SGK1: variants seen among roughly 807,000 people sequenced by gnomAD.
SGK1 encodes the protein serum/glucocorticoid regulated kinase 1.
A neutral mutation model predicts 64.2 loss-of-function variants in SGK1; 26 were observed. The observed-to-expected ratio is 0.40, with a 90% CI of 0.30 to 0.56. The LOEUF (loss-of-function observed/expected upper bound fraction) is 0.56, where lower values mean the gene tolerates loss of function less well. SGK1 is among the 20% of genes least tolerant of loss of function. The probability of loss-of-function intolerance (pLI) is 0.38; values close to 1 mark genes in which losing one functional copy is unlikely to be tolerated. For missense variants in SGK1, 519 were observed against 645.6 expected (o/e 0.80, Z 2.12); for synonymous variants, 265 against 239.7 (o/e 1.11, Z -0.98).
chr6:134,214,609 A>G (rs1302893541), intron 2 of SGK1, among the ~76,000 whole-genome samples: 3 of 75,558 alleles, frequency 4.0e-5, no homozygotes, highest in Admixed American at 2.7e-4. Flanking sequence ...GAAAGTAATT[A>G]AAGTTTAGTT....
At chr6:134,292,113 T>C (rs1376807157) in intron 1 of SGK1, among the ~76,000 whole-genome samples, 1 of 151,900 alleles carries the variant, frequency 6.6e-6, no homozygotes, top group Non-Finnish European at 1.5e-5. Flanking sequence ...TTGACACATA[T>C]TATGGCAAGA....
intron 2 of SGK1, among the ~76,000 whole-genome samples, chr6:134,224,818 C>G (rs952542821): frequency 1.1e-4 from 16 of 150,250 alleles, no homozygotes; most frequent in African/African-American, 3.9e-4. Context: ...GTCAGGAGAT[C>G]GAGACTATCC....
chr6:134,243,488 GC>G (rs1776478617), intron 2 of SGK1, among the ~76,000 whole-genome samples: 1 of 152,066 alleles, frequency 6.6e-6, no homozygotes, highest in Non-Finnish European at 1.5e-5. Flanking sequence ...CCCTGCCTCA[GC>G]CTCCTAAGTA....
At chr6:134,304,221 C>G (rs1777501091) in intron 1 of SGK1, among the ~76,000 whole-genome samples, 1 of 152,168 alleles carries the variant, frequency 6.6e-6, no homozygotes, top group Admixed American at 6.5e-5. Flanking sequence ...GGAGCAGAAC[C>G]CTCCAAATGA....
At chr6:134,313,017 C>T (rs180702989) in intron 1 of SGK1, among the ~76,000 whole-genome samples, 202 of 152,314 alleles carry the variant, frequency 1.3e-3, no homozygotes, top group Admixed American at 3.1e-3. Flanking sequence ...AAGTGATCTG[C>T]CTGCCTAACC....
chr6:134,204,338 G>T (rs1264861898), intron 3 of SGK1, among the ~76,000 whole-genome samples: 5 of 151,474 alleles, frequency 3.3e-5, no homozygotes, highest in African/African-American at 1.2e-4. Context: ...CATGAGATGA[G>T]CTCTTGTAGG....
chr6:134,276,027 T>C (rs987325974), intron 1 of SGK1, among the ~76,000 whole-genome samples: 11 of 152,228 alleles, frequency 7.2e-5, no homozygotes, highest in Non-Finnish European at 1.2e-4. Context: ...TATTCAGTAG[T>C]GGGACATTTA....
chr6:134,255,574 A>ATTTT (rs11318242), intron 2 of SGK1, among the ~76,000 whole-genome samples: 47 of 78,830 alleles, frequency 6.0e-4, no homozygotes, highest in East Asian at 1.5e-3. Flanking sequence ...AGAGATTTTG[A>ATTTT]TTTTTTTTTT....
intron 9 of SGK1, 101 bp from the exon 10 acceptor site, chr6:134,172,417 T>C: frequency 7.5e-6 from 9 of 1,202,494 alleles, no homozygotes; most frequent in Non-Finnish European, 7.2e-6. Flanking sequence ...CATTTTAGGT[T>C]CACTGTAGTT....
intron 1 of SGK1, among the ~76,000 whole-genome samples, chr6:134,272,362 C>T (rs948730040): frequency 7.0e-6 from 1 of 142,320 alleles, no homozygotes; most frequent in African/African-American, 2.5e-5. Context: ...CCATGTTGAC[C>T]AGGCTGGTCT....
intron 2 of SGK1, among the ~76,000 whole-genome samples, chr6:134,207,873 A>G (rs193297977): frequency 1.3e-5 from 2 of 152,358 alleles, no homozygotes; most frequent in Non-Finnish European, 2.9e-5. Context: ...GGGAAAATAC[A>G]TATTAATTAA....
At chr6:134,289,712 G>A (rs1376708564) in intron 1 of SGK1, among the ~76,000 whole-genome samples, 1 of 151,898 alleles carries the variant, frequency 6.6e-6, no homozygotes, top group East Asian at 1.9e-4. Flanking sequence ...TGTAGCTGGT[G>A]GCTACCACAT....
chr6:134,231,974 G>A (rs1776284389), intron 2 of SGK1, among the ~76,000 whole-genome samples: 1 of 151,230 alleles, frequency 6.6e-6, no homozygotes, highest in Non-Finnish European at 1.5e-5. Flanking sequence ...GGGAGGTGGA[G>A]GTTGCAGTAA....
intron 1 of SGK1, among the ~76,000 whole-genome samples, chr6:134,281,852 C>A (rs1031975263): frequency 2.6e-5 from 4 of 152,112 alleles, no homozygotes; most frequent in Non-Finnish European, 4.4e-5. Context: ...GAGTTGCTCA[C>A]GTGCCTAATA....
At chr6:134,182,011 C>G (rs1448534237) in intron 3 of SGK1, among the ~76,000 whole-genome samples, 3 of 152,084 alleles carry the variant, frequency 2.0e-5, no homozygotes, top group African/African-American at 7.2e-5. Context: ...GCACCTGCCA[C>G]CACGCCCGAC....
chr6:134,232,484 A>AGAAAGAAAGG (rs1210383548), intron 2 of SGK1, among the ~76,000 whole-genome samples: 1 of 132,556 alleles, frequency 7.5e-6, no homozygotes, highest in African/African-American at 3.2e-5. Flanking sequence ...AGAAAGAAAG[A>AGAAAGAAAGG]GAAAGAAAAA....
chr6:134,199,243 C>T (rs1017432033), intron 3 of SGK1, among the ~76,000 whole-genome samples: 4 of 152,096 alleles, frequency 2.6e-5, no homozygotes, highest in African/African-American at 4.8e-5. Context: ...ACAGTCTGCA[C>T]AACAAACCCC....
At chr6:134,264,767 C>T (rs1776825822) in intron 1 of SGK1, among the ~76,000 whole-genome samples, 1 of 152,138 alleles carries the variant, frequency 6.6e-6, no homozygotes, top group Non-Finnish European at 1.5e-5. Context: ...CTCAGCCCTC[C>T]CAAGTAGCTG....
Position 134,270,757 on chromosome 6 carries a change from G to A in SGK1, c.70-8609C>T, listed in dbSNP as rs1419651399. Among the ~76,000 whole-genome samples the A allele has an allele frequency of 8.1e-5, 12 of 148,050 alleles. 1 individual carries two copies. Among genetic ancestry groups the A allele is most frequent in the African/African-American group, 2.4e-4 (10 of 41,104 alleles). On this transcript the variant is annotated intron_variant, in intron 1 of 13. Coordinates refer to ENST00000367858, the MANE Select transcript of SGK1 (RefSeq NM_001143676.3). ...TCTGGGGAAGTGGGAAAACGGAGAC[G>A]CAATGCGTCCATGTACCCTATTTAA... is the stretch of plus-strand genomic sequence containing the variant.
Sources: gnomAD v4.1 joint callset for allele counts (sites outside exome capture counted in the v4.1 genomes callset) on GRCh38, gnomAD v4.1.1 for gene constraint, MANE v1.5 for transcripts, NCBI Gene and HGNC (gene_info 2026-07-23, HGNC 2026-07-21) for gene names.